Variants in ZFC3H1 observed in about 807,000 individuals in gnomAD.
ZFC3H1 encodes the protein zinc finger C3H1 domain-containing protein.
Under a neutral mutation model 243.7 loss-of-function variants are expected in ZFC3H1, and 71 were observed. The observed-to-expected ratio is 0.29, with a 90% confidence interval of 0.24 to 0.36. ZFC3H1 has a LOEUF of 0.36. Ranked by LOEUF, ZFC3H1 falls within the 10% of genes least tolerant of loss-of-function variation. ZFC3H1 has a pLI of 1.00. For synonymous variants in ZFC3H1, 838 were observed against 813.0 expected (o/e 1.03, Z -0.52); for missense variants, 1,966 against 2,317.1 (o/e 0.85, Z 3.11).
chr12:71,618,927 G>A (rs934749164), intron 27 of ZFC3H1, among the ~76,000 whole-genome samples: 6 of 151,868 alleles, frequency 4.0e-5, no homozygotes, highest in East Asian at 3.9e-4. Flanking sequence ...AGAAAAAGGC[G>A]TATTATTTAT....
chr12:71,625,144 T>C (rs1385086052), intron 22 of ZFC3H1, among the ~76,000 whole-genome samples: 1 of 152,174 alleles, frequency 6.6e-6, no homozygotes, highest in Non-Finnish European at 1.5e-5. Flanking sequence ...CATGCTTTAC[T>C]ATCCAAATCT....
chr12:71,656,865 G>C lies in ZFC3H1; in HGVS notation c.1015+20C>G. On this transcript the variant is annotated intron_variant, in intron 2 of 34. Transcript: ENST00000378743. ...AGAGGAAGAAGAGTCATTACTAACT[G>C]AAATATTTAATTCCATTACCTTGAC... 6.3e-7 allele frequency: 1 copy of C among 1,584,800 alleles called. No individual in the cohort carries two copies. The highest frequency in any genetic ancestry group is 2.2e-5 in the East Asian group (1 of 44,584).
At position 71,633,830 on chromosome 12, in the gene ZFC3H1, G is replaced by A. The variant is rs530241118; in HGVS notation, c.2510+325C>T. On this transcript the variant is annotated intron_variant, in intron 12 of 34. Transcript: ENST00000378743. ...ACCACCATGCCCAGCTAATTTTTTT[G>A]TATTTTTAGTAGAGACAGGGTTTCA... 1.2e-3 allele frequency among the ~76,000 whole-genome samples: 175 copies of A among 152,144 alleles called. 1 individual carries two copies. The highest frequency in any genetic ancestry group is 4.0e-3 in the African/African-American group (166 of 41,500).
At chr12:71,660,850 G>A (rs576711892) in intron 1 of ZFC3H1, among the ~76,000 whole-genome samples, 4 of 151,966 alleles carry the variant, frequency 2.6e-5, no homozygotes, top group Non-Finnish European at 4.4e-5. Flanking sequence ...GGTGGCTCTC[G>A]CCTATAAATC....
chr12:71,656,375 C>A, intron 2 of ZFC3H1: 1 of 475,502 alleles, frequency 2.1e-6, no homozygotes, highest in South Asian at 4.4e-5. Flanking sequence ...CTGTATTAAA[C>A]GCAAGCATAC....
intron 6 of ZFC3H1, among the ~76,000 whole-genome samples, chr12:71,639,088 T>C (rs1279662443): frequency 6.6e-6 from 1 of 152,228 alleles, no homozygotes; most frequent in Non-Finnish European, 1.5e-5. Context: ...TAATTACAAT[T>C]GATGCATCTC....
Position 71,614,928 on chromosome 12 carries a change from G to A in ZFC3H1, c.5266C>T (p.Pro1756Ser), listed in dbSNP as rs1258220119. The A allele has an allele frequency of 1.2e-6, 2 of 1,612,894 alleles. No individual in the cohort carries two copies. The highest frequency in any genetic ancestry group is 1.7e-6 in the Non-Finnish European group (2 of 1,179,192). The change falls in exon 29 of 35, where the codon CCT becomes TCT. Residue 1756 changes from proline (P) to serine (S), a missense_variant. By Grantham distance (74) the Pro-to-Ser change is moderately conservative (BLOSUM62 -1). This residue lies in a region of ZFC3H1 where 1,383 missense variants were observed against 1,723.7 expected (regional missense o/e 0.80). Transcript: ENST00000378743. Reference sequence around the variant, plus strand: ...GTTTCTTTAATACTTGATTGAAGAGGATGACAAAGGCTGTTTAAAAAATGA... The same window carrying A: ...GTTTCTTTAATACTTGATTGAAGAGAATGACAAAGGCTGTTTAAAAAATGA... ...YLWLIYCLCH[P>S]LQSSIKETVE...
intron 1 of ZFC3H1, among the ~76,000 whole-genome samples, chr12:71,661,249 G>A (rs1592606672): frequency 6.6e-6 from 1 of 151,002 alleles, no homozygotes; most frequent in African/African-American, 2.4e-5. Context: ...GCAGTGAGCC[G>A]AGATCACACC....
chr12:71,656,893 G>C lies in ZFC3H1; in HGVS notation c.1007C>G (p.Ser336Cys). Residue 336 changes from serine to cysteine, a missense_variant, in exon 2 of 35, where the codon TCT becomes TGT. Ser to Cys is a moderately radical substitution (Grantham distance 112). This residue lies in a region of ZFC3H1 where 484 missense variants were observed against 449.7 expected (regional missense o/e 1.08). Transcript: ENST00000378743. The stretch of plus-strand genomic sequence containing the variant: ...ATATTTAATTCCATTACCTTGACTA[G>C]AATCAGTAGTGTCGGATTTCAGGGA... The part of the protein sequence containing the change: ...PLSLKSDTTD[S>C]SQGLQDKEQN... The C allele has an allele frequency of 6.2e-7, 1 of 1,609,580 alleles. No individual in the cohort carries two copies. The highest frequency in any genetic ancestry group is 8.5e-7 in the Non-Finnish European group (1 of 1,178,290).
In ZFC3H1 at chr12:71,636,580, T is replaced by C. The variant is rs770787307; in HGVS notation, c.2010A>G (p.Leu670=). ...NNSHPVPRSN[L]SIVSINTVSQ... ...ACACTGTGTTAATACTGACTATTGA[T>C]AGATTGCTTCTTGGCACAGGATGTG... The change falls in exon 9 of 35, where the codon CTA becomes CTG. Residue 670 remains leucine (L), a synonymous_variant. Coordinates refer to ENST00000378743, the MANE Select transcript of ZFC3H1 (RefSeq NM_144982.5). The C allele has an allele frequency of 2.7e-5, 44 of 1,613,932 alleles. No individual in the cohort carries two copies. The East Asian group carries it at 9.1e-4, about 34-fold the overall frequency.
At chr12:71,644,488 A>T (rs1880678325) in intron 4 of ZFC3H1, among the ~76,000 whole-genome samples, 170 bp from the exon 5 acceptor site, 1 of 152,192 alleles carries the variant, frequency 6.6e-6, no homozygotes, top group African/African-American at 2.4e-5. Context: ...CAAAACTCTG[A>T]ATTAAAATCT....
intron 2 of ZFC3H1, among the ~76,000 whole-genome samples, chr12:71,648,404 TCTACAACAG>T (rs1880780120): frequency 6.6e-6 from 1 of 152,220 alleles, no homozygotes; most frequent in African/African-American, 2.4e-5. Context: ...TATTACCTAA[TCTACAACAG>T]CTTTAAACAT....
chr12:71,627,927 C>A lies in ZFC3H1; in HGVS notation c.3954G>T (p.Gln1318His), dbSNP rs200853613. ...QSTGPIKYAF[Q>H]PENQINVPAL... ...CTGGAACATTTATTTGGTTCTCTGG[C>A]TGGAAAGCTATTTAAAAAAAAAGTA... is the stretch of plus-strand genomic sequence containing the variant. Residue 1318 changes from glutamine to histidine, a missense_variant, in exon 21 of 35, where the codon CAG (glutamine) becomes CAT (histidine). Gln to His is a conservative substitution (Grantham distance 24). Transcript: ENST00000378743. The A allele has an allele frequency of 1.3e-4, 204 of 1,610,760 alleles. 2 individuals are homozygous for A. In the African/African-American group the frequency reaches 2.2e-3, roughly 18 times the overall value.
chr12:71,635,681 T>A (rs988998018), intron 9 of ZFC3H1, 101 bp from the exon 10 acceptor site: 4 of 1,189,668 alleles, frequency 3.4e-6, no homozygotes, highest in Admixed American at 3.0e-5. Context: ...GTAGACAGTC[T>A]ATGGCTCCTT....
At chr12:71,620,746 A>G (rs1280355870) in intron 24 of ZFC3H1, among the ~76,000 whole-genome samples, 1 of 152,038 alleles carries the variant, frequency 6.6e-6, no homozygotes, top group African/African-American at 2.4e-5. Flanking sequence ...TCCAAACTAG[A>G]TCCTTTCCTT....
At chr12:71,627,707 T>C (rs1880204601) in intron 21 of ZFC3H1, 44 bp downstream of exon 21, 5 of 1,545,274 alleles carry the variant, frequency 3.2e-6, no homozygotes, top group South Asian at 1.2e-5. Flanking sequence ...AACATAAAAA[T>C]ATAAATGTGC....
intron 27 of ZFC3H1, among the ~76,000 whole-genome samples, chr12:71,618,755 C>T (rs1879952935): frequency 1.3e-5 from 2 of 152,124 alleles, no homozygotes; most frequent in African/African-American, 4.8e-5. Context: ...TATTCAAAAT[C>T]TGCCATGACC....
Position 71,626,209 on chromosome 12 carries a change from T to TACACACAC in ZFC3H1, c.4317+43_4317+50dup, listed in dbSNP as rs55719302. On this transcript the variant is annotated intron_variant, in intron 22 of 34. Coordinates refer to ENST00000378743, the MANE Select transcript of ZFC3H1 (RefSeq NM_144982.5). ...ATTTTTAAGATGATCCAAATAATTA[T>TACACACAC]ACACACACACACACACACACACACA... The TACACACAC allele has an allele frequency of 8.7e-4, 951 of 1,089,336 alleles. 1 individual carries two copies. Among genetic ancestry groups the TACACACAC allele is most frequent in the African/African-American group, 1.8e-3 (120 of 66,794 alleles). 67.5% of individuals were successfully genotyped at this position (1,089,336 alleles called of 1,614,324 possible). A position where few individuals can be genotyped will look rare whatever the true frequency, so the allele number is the denominator to read the frequency against.
At chr12:71,637,856 A>G (rs186526753) in intron 7 of ZFC3H1, among the ~76,000 whole-genome samples, 16 of 152,166 alleles carry the variant, frequency 1.1e-4, no homozygotes, top group Middle Eastern at 6.8e-3. Flanking sequence ...AATAATGTCA[A>G]AACTTTTAAT....
Sources: allele counts gnomAD v4.1 joint callset (sites outside exome capture counted in the v4.1 genomes callset), GRCh38; gene constraint gnomAD v4.1.1; regional missense constraint gnomAD v4.1.1; transcripts MANE v1.5; gene names NCBI Gene and HGNC (gene_info 2026-07-23, HGNC 2026-07-21).